The following GLRA3 variants were observed in gnomAD, a reference collection of about 807,000 sequenced individuals.
GLRA3 encodes the protein glycine receptor subunit alpha-3.
GLRA3 carries 44 observed loss-of-function variants against 60.4 expected under a neutral mutation model. That is an observed-to-expected ratio of 0.73 (90% CI 0.57 to 0.94). The LOEUF is 0.94. Ranked by LOEUF, GLRA3 falls within the 40% of genes least tolerant of loss-of-function variation. The pLI, the probability that GLRA3 is intolerant of heterozygous loss-of-function variation, is 0.00. For missense variants in GLRA3, 508 were observed against 564.6 expected, an observed-to-expected ratio of 0.90 and a Z score of 1.02; for synonymous variants, 223 against 192.9, an observed-to-expected ratio of 1.16 and a Z score of -1.29.
intron 8 of GLRA3, among the ~76,000 whole-genome samples, chr4:174,658,078 T>C (rs1461211702): frequency 6.6e-6 from 1 of 152,166 alleles, no homozygotes; most frequent in African/African-American, 2.4e-5. Flanking sequence ...GTATAATTTA[T>C]AAAGAAACCT....
intron 3 of GLRA3, among the ~76,000 whole-genome samples, chr4:174,732,586 C>T (rs796964139): frequency 1.1e-4 from 17 of 152,012 alleles, no homozygotes; most frequent in African/African-American, 3.4e-4. Flanking sequence ...CAGAAAAATG[C>T]GTAATAAACT....
chr4:174,796,179 T>C (rs1739557645), intron 1 of GLRA3, among the ~76,000 whole-genome samples: 1 of 152,078 alleles, frequency 6.6e-6, no homozygotes, highest in Non-Finnish European at 1.5e-5. Flanking sequence ...CCAGAGATTT[T>C]CCTTGCCCCT....
rs534223264 is a variant in GLRA3, at chr4:174,750,015, T to C, written c.267+16948A>G. Among the ~76,000 whole-genome samples the C allele has an allele frequency of 2.0e-5, 3 of 152,032 alleles. No homozygotes were observed. The South Asian group carries it at 6.2e-4, about 32-fold the overall frequency. ...CCTCCCATGTATGATGAAGGAGGGGTATACCTATTTTTCTTATATCCCACC... is the reference window on the plus strand; with the variant it reads ...CCTCCCATGTATGATGAAGGAGGGGCATACCTATTTTTCTTATATCCCACC... On this transcript the variant is annotated intron_variant, in intron 3 of 9. Transcript: ENST00000274093.
chr4:174,785,936 G>GTTT lies in GLRA3; in HGVS notation c.199+2877_199+2879dup, dbSNP rs752488665. 6.8e-3 allele frequency among the ~76,000 whole-genome samples: 703 copies of GTTT among 103,410 alleles called. 3 individuals are homozygous for GTTT. Among genetic ancestry groups the GTTT allele is most frequent in the East Asian group, 0.049 (144 of 2,924 alleles). 67.8% of individuals were successfully genotyped at this position (103,410 alleles called of 152,430 possible). On this transcript the variant is annotated intron_variant, in intron 2 of 9. Coordinates refer to ENST00000274093, the MANE Select transcript of GLRA3 (RefSeq NM_006529.4). ...AGGTGTGTGCCACCATGCCTGGCTA[G>GTTT]TTTTTTTTTTTTTTTTTTTTTTTGG...
intron 5 of GLRA3, among the ~76,000 whole-genome samples, chr4:174,685,068 G>A (rs1261255438): frequency 6.6e-6 from 1 of 152,120 alleles, no homozygotes; most frequent in Non-Finnish European, 1.5e-5. Flanking sequence ...CTGTGAGGCA[G>A]CACAGAAGGG....
chr4:174,800,610 G>C (rs545791487), intron 1 of GLRA3, among the ~76,000 whole-genome samples: 1,957 of 151,094 alleles, frequency 0.013, 43 homozygotes, highest in African/African-American at 0.045. Flanking sequence ...AACCCCCCCC[G>C]CCAAAAAAAC....
intron 3 of GLRA3, among the ~76,000 whole-genome samples, chr4:174,747,798 A>C (rs1454262281): frequency 1.3e-5 from 2 of 151,910 alleles, no homozygotes; most frequent in Non-Finnish European, 2.9e-5. Flanking sequence ...GGAGATAATC[A>C]GTTCAGATAT....
intron 1 of GLRA3, among the ~76,000 whole-genome samples, chr4:174,807,979 A>G (rs1051887083): frequency 1.3e-5 from 2 of 152,118 alleles, no homozygotes; most frequent in Admixed American, 6.6e-5. Flanking sequence ...GATTTCCTCA[A>G]ATGAAATCCA....
At chr4:174,748,209 T>C (rs1737325855) in intron 3 of GLRA3, among the ~76,000 whole-genome samples, 1 of 152,008 alleles carries the variant, frequency 6.6e-6, no homozygotes. Flanking sequence ...CCAGAGATGG[T>C]TGAATTAGAA....
chr4:174,817,637 T>C (rs1740562501), intron 1 of GLRA3, among the ~76,000 whole-genome samples: 1 of 152,198 alleles, frequency 6.6e-6, no homozygotes, highest in Admixed American at 6.5e-5. Flanking sequence ...AGATGGAGTC[T>C]TGCTCTGTTG....
At chr4:174,711,439 ATATATAT>A (rs1414986308) in intron 5 of GLRA3, among the ~76,000 whole-genome samples, 5 of 107,872 alleles carry the variant, frequency 4.6e-5, no homozygotes, top group Non-Finnish European at 8.6e-5. Context: ...TTATATATAT[ATATATAT>A]TTTTTTTTTT....
chr4:174,736,332 G>C (rs1385843), intron 3 of GLRA3, among the ~76,000 whole-genome samples: 1 of 151,598 alleles, frequency 6.6e-6, no homozygotes, highest in African/African-American at 2.4e-5. Context: ...TCAAATATAC[G>C]TAACATTTAT....
At chr4:174,742,935 C>T (rs28495550) in intron 3 of GLRA3, among the ~76,000 whole-genome samples, 30,106 of 151,990 alleles carry the variant, frequency 0.2, 4,392 homozygotes, top group African/African-American at 0.41. Context: ...TTACTTTACC[C>T]TCCCCATTTA....
chr4:174,714,732 T>C (rs1382911449), intron 5 of GLRA3, among the ~76,000 whole-genome samples: 2 of 152,202 alleles, frequency 1.3e-5, no homozygotes, highest in Admixed American at 6.5e-5. Flanking sequence ...AGGTAAAATA[T>C]TGCATATTGC....
At chr4:174,724,992 T>C (rs1242301796) in intron 4 of GLRA3, among the ~76,000 whole-genome samples, 1 of 152,252 alleles carries the variant, frequency 6.6e-6, no homozygotes, top group Non-Finnish European at 1.5e-5. Flanking sequence ...ATGGACATCT[T>C]TGGATTTATC....
intron 3 of GLRA3, among the ~76,000 whole-genome samples, chr4:174,744,510 A>G (rs1453426783): frequency 6.6e-6 from 1 of 152,222 alleles, no homozygotes; most frequent in African/African-American, 2.4e-5. Flanking sequence ...TAGTTCCTGT[A>G]CCCTAAACCA....
intron 2 of GLRA3, among the ~76,000 whole-genome samples, chr4:174,779,009 C>G (rs1231027598): frequency 3.3e-5 from 5 of 152,354 alleles, no homozygotes; most frequent in Non-Finnish European, 7.4e-5. Flanking sequence ...GGCTCCACCT[C>G]TGGGGGCAGG....
At chr4:174,692,265 G>A (rs1410908906) in intron 5 of GLRA3, among the ~76,000 whole-genome samples, 1 of 143,310 alleles carries the variant, frequency 7.0e-6, no homozygotes, top group Non-Finnish European at 1.5e-5. Flanking sequence ...CGCGAGGGAG[G>A]TGGGGGGGTC....
intron 2 of GLRA3, among the ~76,000 whole-genome samples, chr4:174,767,615 T>C (rs1035919230): frequency 2.6e-5 from 4 of 152,110 alleles, no homozygotes; most frequent in Non-Finnish European, 5.9e-5. Flanking sequence ...AGCTTAGTGG[T>C]AAACTAATAT....
Sources: allele counts gnomAD v4.1 joint callset (sites outside exome capture counted in the v4.1 genomes callset), GRCh38; gene constraint gnomAD v4.1.1; transcripts MANE v1.5; gene names NCBI Gene and HGNC (gene_info 2026-07-23, HGNC 2026-07-21).